FLT3: variants seen among roughly 807,000 people sequenced by gnomAD.
FLT3 encodes fms related receptor tyrosine kinase 3.
FLT3 carries 46 observed loss-of-function variants against 126.6 expected under a neutral mutation model. The observed-to-expected ratio is 0.36, with a 90% CI of 0.29 to 0.46. FLT3 has a LOEUF of 0.46. FLT3 is among the 20% of genes least tolerant of loss of function. The pLI is 1.00. For missense variants in FLT3, 1,069 were observed against 1,190.3 expected (o/e 0.90, Z 1.50); for synonymous variants, 404 against 434.4 (o/e 0.93, Z 0.87).
intron 9 of FLT3, among the ~76,000 whole-genome samples, chr13:28,045,058 A>G (rs1327137865): frequency 6.6e-6 from 1 of 152,216 alleles, no homozygotes; most frequent in East Asian, 1.9e-4. Flanking sequence ...TATAGGAGTC[A>G]GGAGCTCACC....
chr13:28,049,717 G>C lies in FLT3; in HGVS notation c.800C>G (p.Pro267Arg), dbSNP rs117240821. The C allele has an allele frequency of 4.3e-6, 7 of 1,614,006 alleles. No individual in the cohort carries two copies. The highest frequency in any genetic ancestry group is 2.2e-5 in the East Asian group (1 of 44,880). ...LPQLFLKVGE[P>R]LWIRCKAVHV... Reference sequence around the variant, plus strand: ...AACAGCTTTGCACCTTATCCATAAGGGTTCCCCTACTTTAAGAAATAATTG... The same window carrying C: ...AACAGCTTTGCACCTTATCCATAAGCGTTCCCCTACTTTAAGAAATAATTG... Residue 267 changes from proline to arginine, a missense_variant, in exon 7 of 24, where the codon CCC (proline) becomes CGC (arginine). Transcript: ENST00000241453.
chr13:28,017,867 T>C (rs1872026498), intron 20 of FLT3, among the ~76,000 whole-genome samples: 1 of 152,114 alleles, frequency 6.6e-6, no homozygotes, highest in South Asian at 2.1e-4. Flanking sequence ...AGTTTCACCA[T>C]ATTAGTCAGG....
chr13:28,080,174 G>A (rs1024558097), intron 1 of FLT3, among the ~76,000 whole-genome samples: 3 of 152,120 alleles, frequency 2.0e-5, no homozygotes, highest in Non-Finnish European at 2.9e-5. Context: ...TCAGGAGTTC[G>A]AGACCAGCCT....
intron 22 of FLT3, among the ~76,000 whole-genome samples, 167 bp downstream of exon 22, chr13:28,014,990 G>A (rs1871711224): frequency 6.6e-6 from 1 of 152,118 alleles, no homozygotes; most frequent in African/African-American, 2.4e-5. Flanking sequence ...GAAGCCAGGA[G>A]TTTGAGACCA....
chr13:28,020,225 T>C (rs1287147869), intron 19 of FLT3, among the ~76,000 whole-genome samples: 2 of 152,156 alleles, frequency 1.3e-5, no homozygotes, highest in Non-Finnish European at 2.9e-5. Flanking sequence ...AGAAAGCCTC[T>C]TCCACTGCAT....
At chr13:28,090,952 A>G (rs987118112) in intron 1 of FLT3, among the ~76,000 whole-genome samples, 1 of 152,142 alleles carries the variant, frequency 6.6e-6, no homozygotes, top group Non-Finnish European at 1.5e-5. Flanking sequence ...AAAGTGGTAC[A>G]CTTTGAAGGG....
chr13:28,079,884 GA>G (rs1878205773), intron 1 of FLT3, among the ~76,000 whole-genome samples: 1 of 152,176 alleles, frequency 6.6e-6, no homozygotes, highest in South Asian at 2.1e-4. Flanking sequence ...ACTCATGACA[GA>G]AGGGGAAAGG....
At chr13:28,012,179 G>C (rs1871448290) in intron 23 of FLT3, among the ~76,000 whole-genome samples, 1 of 152,224 alleles carries the variant, frequency 6.6e-6, no homozygotes, top group South Asian at 2.1e-4. Context: ...TCAGGGAACA[G>C]AGTGGAAGGA....
rs745663144 is a variant in FLT3, at chr13:28,023,346, A to G, written c.2418+4T>C. ...GGTTTGTTTTTTCTTTAAAAGGAGC[A>G]TACCGACTTAAATTCCAGAAATTCC... is the stretch of plus-strand genomic sequence containing the variant. On this transcript the variant is annotated splice_donor_region_variant and intron_variant, in intron 19 of 23. Coordinates refer to ENST00000241453, the MANE Select transcript of FLT3 (RefSeq NM_004119.3). The G allele has an allele frequency of 1.9e-6, 3 of 1,611,308 alleles. No homozygotes were observed. The highest frequency in any genetic ancestry group is 3.4e-5 in the Admixed American group (2 of 59,238).
chr13:28,035,877 C>A lies in FLT3; in HGVS notation c.1418+58G>T, dbSNP rs1873791486. 3.6e-6 allele frequency: 5 copies of A among 1,378,366 alleles called. No homozygotes were observed. The Admixed American group carries it at 6.8e-5, about 19-fold the overall frequency. The allele number at this position is 1,378,366 out of a possible 1,614,324, so 85.4% of individuals were successfully genotyped here. A position where few individuals can be genotyped will look rare whatever the true frequency, so the allele number is the denominator to read the frequency against. On this transcript the variant is annotated intron_variant, in intron 11 of 23. Transcript: ENST00000241453. ...TCTTAAACTGTATTCATGAAAGAGT[C>A]AATAGGTCAGAGAGTTTTATGTTCT...
chr13:28,091,551 A>G (rs890249208), intron 1 of FLT3, among the ~76,000 whole-genome samples: 1 of 152,034 alleles, frequency 6.6e-6, no homozygotes, highest in African/African-American at 2.4e-5. Context: ...AAATGAGGGC[A>G]GTAGACTGGG....
intron 23 of FLT3, among the ~76,000 whole-genome samples, chr13:28,007,278 G>A (rs1303486826): frequency 6.6e-6 from 1 of 151,776 alleles, no homozygotes; most frequent in Admixed American, 6.6e-5. Context: ...ACAGGGTCTC[G>A]CTCTGTCACT....
chr13:28,006,735 T>TC (rs1413237042), intron 23 of FLT3, among the ~76,000 whole-genome samples: 1 of 150,848 alleles, frequency 6.6e-6, no homozygotes, highest in African/African-American at 2.4e-5. Flanking sequence ...TTCCTTTTTT[T>TC]TTTTTTTTTT....
At chr13:28,064,319 A>C (rs564732147) in intron 2 of FLT3, among the ~76,000 whole-genome samples, 1 of 152,126 alleles carries the variant, frequency 6.6e-6, no homozygotes, top group Non-Finnish European at 1.5e-5. Context: ...TCACTCCTGA[A>C]ATCCCAGCAC....
chr13:28,022,468 C>T (rs982350076), intron 19 of FLT3, among the ~76,000 whole-genome samples: 2 of 151,906 alleles, frequency 1.3e-5, no homozygotes, highest in Non-Finnish European at 1.5e-5. Context: ...GCCAAGATCA[C>T]GCCACTGCAC....
chr13:28,092,167 G>A (rs1208421426), intron 1 of FLT3, among the ~76,000 whole-genome samples: 1 of 152,170 alleles, frequency 6.6e-6, no homozygotes, highest in Admixed American at 6.5e-5. Context: ...ACCCCCGCCA[G>A]GAACCTTAAA....
In FLT3 at chr13:28,027,339, C is replaced by CT. The variant is rs1309718758; in HGVS notation, c.2054-99dup. ...AACATACTCTTAGGAGGGCTTGGTT[C>CT]TCTGCTGACTTGGGGACAGTACAAC... On this transcript the variant is annotated intron_variant, in intron 16 of 23. Transcript: ENST00000241453. The CT allele has an allele frequency of 3.3e-6, 3 of 912,414 alleles. No individual in the cohort carries two copies. In the African/African-American group the frequency reaches 5.0e-5, roughly 15 times the overall value. The allele number at this position is 912,414 out of a possible 1,614,324, so 56.5% of individuals were successfully genotyped here. A position where few individuals can be genotyped will look rare whatever the true frequency, so the allele number is the denominator to read the frequency against.
intron 1 of FLT3, among the ~76,000 whole-genome samples, chr13:28,072,831 G>A (rs1465060763): frequency 2.0e-5 from 3 of 150,846 alleles, no homozygotes; most frequent in African/African-American, 7.3e-5. Flanking sequence ...GTGAAACCCC[G>A]TCTCTACCTA....
Position 28,014,542 on chromosome 13 carries a change from T to G in FLT3, c.2769A>C (p.Gln923His). The G allele has an allele frequency of 6.2e-7, 1 of 1,613,078 alleles. No homozygotes were observed. ...YATEEIYIIM[Q>H]SCWAFDSRKR... ...TCCTTGAGTCAAAAGCCCAGCAGGA[T>G]TGCATTATAATGTATCTGTAAAAGC... The change falls in exon 23 of 24, where the codon CAA becomes CAC. Residue 923 changes from glutamine to histidine, a missense_variant. Physicochemically the swap from Gln to His is conservative, Grantham distance 24. Coordinates refer to ENST00000241453, the MANE Select transcript of FLT3 (RefSeq NM_004119.3).
Sources: allele counts gnomAD v4.1 joint callset (sites outside exome capture counted in the v4.1 genomes callset), GRCh38; gene constraint gnomAD v4.1.1; transcripts MANE v1.5; gene names NCBI Gene and HGNC (gene_info 2026-07-23, HGNC 2026-07-21).